Variants in RIMS2 observed in about 807,000 individuals in gnomAD.
The protein encoded by RIMS2 is regulating synaptic membrane exocytosis protein 2.
Under a neutral mutation model 174.4 loss-of-function variants are expected in RIMS2, and 59 were observed. That is an observed-to-expected ratio of 0.34 (90% CI 0.27 to 0.42). The LOEUF (loss-of-function observed/expected upper bound fraction) is 0.42, where lower values mean the gene tolerates loss of function less well. RIMS2 is among the 10% of genes least tolerant of loss of function. The pLI is 1.00. For missense variants in RIMS2, 1,620 were observed against 1,666.3 expected, an observed-to-expected ratio of 0.97 and a Z score of 0.48; for synonymous variants, 606 against 572.5, an observed-to-expected ratio of 1.06 and a Z score of -0.84.
intron 17 of RIMS2, among the ~76,000 whole-genome samples, chr8:103,999,966 T>G (rs980598750): frequency 6.6e-6 from 1 of 151,770 alleles, no homozygotes; most frequent in African/African-American, 2.4e-5. Context: ...TGGAAAAATC[T>G]GTTTCCACAA....
chr8:103,672,211 T>G (rs190529891), intron 1 of RIMS2, among the ~76,000 whole-genome samples: 1 of 152,230 alleles, frequency 6.6e-6, no homozygotes, highest in East Asian at 1.9e-4. Flanking sequence ...CTATTGTTTT[T>G]TTTTTCTTCA....
chr8:103,689,569 A>G (rs769023324), intron 1 of RIMS2, among the ~76,000 whole-genome samples: 1 of 152,084 alleles, frequency 6.6e-6, no homozygotes, highest in Non-Finnish European at 1.5e-5. Flanking sequence ...TATAATTGTT[A>G]TATACTTTTG....
At chr8:104,029,988 C>T (rs2096353587) in intron 19 of RIMS2, among the ~76,000 whole-genome samples, 2 of 152,224 alleles carry the variant, frequency 1.3e-5, no homozygotes, top group South Asian at 4.1e-4. Context: ...TAATGCTGAT[C>T]AGGGAGCAGT....
At chr8:104,208,499 C>T (rs1469716731) in intron 19 of RIMS2, among the ~76,000 whole-genome samples, 1 of 150,996 alleles carries the variant, frequency 6.6e-6, no homozygotes, top group Non-Finnish European at 1.5e-5. Flanking sequence ...ACCCGGGAGG[C>T]GGAAGTGGCA....
intron 14 of RIMS2, among the ~76,000 whole-genome samples, chr8:103,948,137 A>T (rs1447240053): frequency 6.6e-6 from 1 of 152,202 alleles, no homozygotes; most frequent in Non-Finnish European, 1.5e-5. Flanking sequence ...TGCCACAATT[A>T]CATTACTTAA....
intron 9 of RIMS2, among the ~76,000 whole-genome samples, chr8:103,919,286 C>T (rs982110324): frequency 3.9e-5 from 6 of 152,052 alleles, no homozygotes; most frequent in Non-Finnish European, 7.4e-5. Flanking sequence ...TAGGTGGATG[C>T]AATGGCAAGA....
At chr8:103,997,069 G>C (rs1370884961) in intron 17 of RIMS2, among the ~76,000 whole-genome samples, 1 of 151,746 alleles carries the variant, frequency 6.6e-6, no homozygotes, top group Middle Eastern at 3.2e-3. Flanking sequence ...AGACAGCTTC[G>C]AGAGTGTGGT....
chr8:103,692,747 C>G (rs1377890862), intron 1 of RIMS2, among the ~76,000 whole-genome samples: 1 of 152,184 alleles, frequency 6.6e-6, no homozygotes, highest in African/African-American at 2.4e-5. Context: ...TCTACTGTGG[C>G]TGAGCTGGTA....
intron 3 of RIMS2, among the ~76,000 whole-genome samples, chr8:103,870,090 G>A (rs1271848189): frequency 6.6e-6 from 1 of 150,474 alleles, no homozygotes; most frequent in Non-Finnish European, 1.5e-5. Context: ...GAGCCCAACT[G>A]GTAGCAACTA....
intron 3 of RIMS2, among the ~76,000 whole-genome samples, chr8:103,856,801 C>CT (rs1045425271): frequency 7.3e-5 from 11 of 150,860 alleles, no homozygotes; most frequent in East Asian, 1.9e-4. Flanking sequence ...ACTCAGTTAT[C>CT]TTTTTTTTTG....
intron 19 of RIMS2, chr8:104,223,328 A>C: frequency 8.6e-6 from 9 of 1,044,164 alleles, no homozygotes; most frequent in East Asian, 6.5e-5. Flanking sequence ...CGGGGAGGGC[A>C]GCGAGACTCC....
chr8:103,840,378 T>C (rs1311854642), intron 3 of RIMS2, among the ~76,000 whole-genome samples: 1 of 152,186 alleles, frequency 6.6e-6, no homozygotes, highest in Non-Finnish European at 1.5e-5. Context: ...TTGTAAAAAG[T>C]CATTGTTCTA....
At chr8:104,226,321 T>C (rs72685059) in intron 19 of RIMS2, among the ~76,000 whole-genome samples, 18,601 of 152,148 alleles carry the variant, frequency 0.12, 1,413 homozygotes, top group African/African-American at 0.2. Context: ...AAGAGTTCAA[T>C]AGCTAAAGAA....
intron 1 of RIMS2, among the ~76,000 whole-genome samples, chr8:103,607,006 A>T (rs1044773519): frequency 3.3e-5 from 5 of 151,474 alleles, no homozygotes; most frequent in African/African-American, 1.2e-4. Flanking sequence ...TTTACATTTA[A>T]AGTTAATATT....
At chr8:104,051,299 C>T (rs1460253335) in intron 19 of RIMS2, among the ~76,000 whole-genome samples, 1 of 151,862 alleles carries the variant, frequency 6.6e-6, no homozygotes, top group Admixed American at 6.6e-5. Context: ...TACACTCACA[C>T]ACACATATAT....
intron 19 of RIMS2, among the ~76,000 whole-genome samples, chr8:104,050,483 C>A (rs1416307001): frequency 6.6e-6 from 1 of 151,968 alleles, no homozygotes; most frequent in East Asian, 1.9e-4. Context: ...TTGAACTAAA[C>A]CAGAAGACTA....
chr8:103,825,344 C>T (rs868843282), intron 3 of RIMS2, among the ~76,000 whole-genome samples: 3 of 151,838 alleles, frequency 2.0e-5, no homozygotes, highest in South Asian at 2.1e-4. Context: ...AGTGCAGTGG[C>T]GTGATCTCGG....
chr8:104,048,673 A>G (rs1170587821), intron 19 of RIMS2, among the ~76,000 whole-genome samples: 1 of 152,184 alleles, frequency 6.6e-6, no homozygotes, highest in Non-Finnish European at 1.5e-5. Flanking sequence ...AATAAGTTAT[A>G]TGCATATACA....
At chr8:103,777,515 T>A (rs766480881) in intron 3 of RIMS2, among the ~76,000 whole-genome samples, 6 of 151,990 alleles carry the variant, frequency 3.9e-5, no homozygotes, top group Non-Finnish European at 5.9e-5. Flanking sequence ...GGCATATGTA[T>A]CATATATCCT....
Sources: allele counts gnomAD v4.1 joint callset (sites outside exome capture counted in the v4.1 genomes callset), GRCh38; gene constraint gnomAD v4.1.1; transcripts MANE v1.5; gene names NCBI Gene and HGNC (gene_info 2026-07-23, HGNC 2026-07-21).